PARD3: variants seen among roughly 807,000 people sequenced by gnomAD.
PARD3 encodes the protein par-3 family cell polarity regulator.
In PARD3, 75 loss-of-function variants were observed where a neutral mutation model predicts 155.4. The ratio of observed to expected loss-of-function variants is 0.48; its 90% CI spans 0.40 to 0.58. PARD3 has a LOEUF of 0.58. Among genes scored for constraint, PARD3 ranks in the 20% least tolerant of loss-of-function variants. The pLI, the probability that PARD3 is intolerant of heterozygous loss-of-function variation, is 0.00. For synonymous variants in PARD3, 576 were observed against 610.5 expected (o/e 0.94, Z 0.83); for missense variants, 1,642 against 1,721.7 (o/e 0.95, Z 0.82).
At chr10:34,627,312 G>C (rs915514815) in intron 2 of PARD3, among the ~76,000 whole-genome samples, 1 of 152,196 alleles carries the variant, frequency 6.6e-6, no homozygotes, top group African/African-American at 2.4e-5. Context: ...ACAGGCATGA[G>C]CCACCGTGCC....
chr10:34,338,813 A>G (rs1836482028), intron 16 of PARD3, among the ~76,000 whole-genome samples: 1 of 152,256 alleles, frequency 6.6e-6, no homozygotes, highest in African/African-American at 2.4e-5. Context: ...AATATGCTCA[A>G]TAAAGAGAAC....
chr10:34,367,446 C>CT (rs1840074451), intron 12 of PARD3, among the ~76,000 whole-genome samples: 3 of 152,234 alleles, frequency 2.0e-5, no homozygotes. Context: ...TGGCTCACGC[C>CT]TGTAATCCCG....
At chr10:34,451,434 G>A (rs1402202621) in intron 4 of PARD3, among the ~76,000 whole-genome samples, 3 of 152,148 alleles carry the variant, frequency 2.0e-5, no homozygotes, top group East Asian at 1.9e-4. Context: ...TATTACATGT[G>A]TGATTGATAC....
At chr10:34,538,430 T>C (rs1469927819) in intron 2 of PARD3, among the ~76,000 whole-genome samples, 1 of 152,180 alleles carries the variant, frequency 6.6e-6, no homozygotes, top group Non-Finnish European at 1.5e-5. Context: ...TAGAAAGATG[T>C]GGGTAATGAC....
chr10:34,476,355 C>T (rs1309191687), intron 3 of PARD3, among the ~76,000 whole-genome samples: 1 of 152,128 alleles, frequency 6.6e-6, no homozygotes, highest in East Asian at 1.9e-4. Context: ...TTGATTTGTG[C>T]CAAGTGATCT....
chr10:34,671,905 A>G (rs1012442213), intron 2 of PARD3, among the ~76,000 whole-genome samples: 5 of 152,170 alleles, frequency 3.3e-5, no homozygotes, highest in African/African-American at 4.8e-5. Context: ...GTTTAGTTAC[A>G]TATGATTTTT....
chr10:34,199,227 G>C (rs930415142), intron 22 of PARD3, among the ~76,000 whole-genome samples: 7 of 152,112 alleles, frequency 4.6e-5, no homozygotes, highest in Admixed American at 2.0e-4. Context: ...ATGCAACCCA[G>C]GCCCCAGCTT....
chr10:34,596,225 C>G (rs1174715727), intron 2 of PARD3, among the ~76,000 whole-genome samples: 1 of 144,526 alleles, frequency 6.9e-6, no homozygotes, highest in Non-Finnish European at 1.5e-5. Flanking sequence ...TCCATCAAAT[C>G]CAAATTTTTA....
chr10:34,771,248 T>C (rs1804768238), intron 1 of PARD3, among the ~76,000 whole-genome samples: 1 of 152,346 alleles, frequency 6.6e-6, no homozygotes, highest in African/African-American at 2.4e-5. Flanking sequence ...GCACAATGGT[T>C]ACATCAGGAA....
intron 22 of PARD3, among the ~76,000 whole-genome samples, chr10:34,164,820 T>G (rs1411045789): frequency 2.1e-5 from 3 of 145,900 alleles, no homozygotes; most frequent in Non-Finnish European, 2.9e-5. Flanking sequence ...ACATATACAA[T>G]TATTTCCATA....
intron 1 of PARD3, among the ~76,000 whole-genome samples, chr10:34,731,050 A>G (rs1308086985): frequency 6.6e-6 from 1 of 152,232 alleles, no homozygotes; most frequent in Admixed American, 6.5e-5. Flanking sequence ...GGGTTTCCAT[A>G]TGATAAAGAT....
At chr10:34,749,491 T>C (rs186058658) in intron 1 of PARD3, among the ~76,000 whole-genome samples, 2 of 151,370 alleles carry the variant, frequency 1.3e-5, no homozygotes, top group African/African-American at 4.8e-5. Flanking sequence ...TAATAAACTA[T>C]ATATAAATTA....
chr10:34,545,675 C>T (rs540329545), intron 2 of PARD3, among the ~76,000 whole-genome samples: 1 of 152,294 alleles, frequency 6.6e-6, no homozygotes, highest in East Asian at 1.9e-4. Context: ...CTGCCTCAGC[C>T]TCTAGAGTAA....
At chr10:34,577,239 T>C (rs1001405397) in intron 2 of PARD3, among the ~76,000 whole-genome samples, 7 of 152,210 alleles carry the variant, frequency 4.6e-5, no homozygotes, top group Non-Finnish European at 8.8e-5. Context: ...GTTCCCTCAG[T>C]GACTGTCCAT....
At chr10:34,770,472 C>T (rs996213714) in intron 1 of PARD3, among the ~76,000 whole-genome samples, 1 of 152,212 alleles carries the variant, frequency 6.6e-6, no homozygotes, top group African/African-American at 2.4e-5. Flanking sequence ...AAGTAACTTG[C>T]TCCCAGACTT....
At chr10:34,428,898 A>G (rs1223583680) in intron 5 of PARD3, among the ~76,000 whole-genome samples, 1 of 152,248 alleles carries the variant, frequency 6.6e-6, no homozygotes, top group Non-Finnish European at 1.5e-5. Flanking sequence ...AAAATTTGTT[A>G]GCAATGCAAA....
chr10:34,749,418 A>G, intron 1 of PARD3, among the ~76,000 whole-genome samples: 1 of 152,056 alleles, frequency 6.6e-6, no homozygotes, highest in East Asian at 1.9e-4. Flanking sequence ...TTAATATACA[A>G]CTAAGAGGAT....
intron 16 of PARD3, among the ~76,000 whole-genome samples, chr10:34,341,121 C>A (rs1836769977): frequency 1.3e-5 from 2 of 151,088 alleles, no homozygotes; most frequent in Non-Finnish European, 1.5e-5. Flanking sequence ...AGGGAGTGCC[C>A]CAGAAGTCAC....
chr10:34,685,275 A>T (rs2093934782), intron 2 of PARD3, among the ~76,000 whole-genome samples: 1 of 152,208 alleles, frequency 6.6e-6, no homozygotes, highest in Admixed American at 6.6e-5. Flanking sequence ...AGGATTTATG[A>T]TAAGGTATGC....
Sources: allele counts gnomAD v4.1 joint callset (sites outside exome capture counted in the v4.1 genomes callset), GRCh38; gene constraint gnomAD v4.1.1; transcripts MANE v1.5; gene names NCBI Gene and HGNC (gene_info 2026-07-23, HGNC 2026-07-21).